PDE3B: variants seen among roughly 807,000 people sequenced by gnomAD.
PDE3B encodes the protein phosphodiesterase 3B.
Under a neutral mutation model 116.8 loss-of-function variants are expected in PDE3B, and 66 were observed. The observed-to-expected ratio is 0.56, with a 90% CI of 0.46 to 0.69. PDE3B has a LOEUF of 0.69. Among genes scored for constraint, PDE3B ranks in the 30% least tolerant of loss-of-function variants. The probability of loss-of-function intolerance (pLI) is 0.00; values close to 1 mark genes in which losing one functional copy is unlikely to be tolerated. For missense variants in PDE3B, 1,384 were observed against 1,368.1 expected (o/e 1.01, Z -0.18); for synonymous variants, 595 against 533.6 (o/e 1.12, Z -1.59).
chr11:14,775,257 C>T (rs958889958), intron 2 of PDE3B: 1 of 152,126 alleles, frequency 6.6e-6, no homozygotes, highest in African/African-American at 2.4e-5. Context: ...CTTATATAAT[C>T]TGTACTTCAA....
chr11:14,780,898 A>G (rs937456684), intron 2 of PDE3B, among the ~76,000 whole-genome samples: 1 of 152,238 alleles, frequency 6.6e-6, no homozygotes, highest in Non-Finnish European at 1.5e-5. Flanking sequence ...GAGAAGATCA[A>G]CAAAATTGAT....
chr11:14,808,680 C>G (rs1172038683), intron 5 of PDE3B, among the ~76,000 whole-genome samples: 1 of 147,596 alleles, frequency 6.8e-6, no homozygotes, highest in Non-Finnish European at 1.5e-5. Flanking sequence ...ATAAGTTTAT[C>G]AATGTGGCAG....
At chr11:14,858,792 T>C (rs1590199235) in intron 12 of PDE3B, among the ~76,000 whole-genome samples, 1 of 152,342 alleles carries the variant, frequency 6.6e-6, no homozygotes, top group East Asian at 1.9e-4. Flanking sequence ...AGATAAACTT[T>C]AAAGATATAT....
intron 11 of PDE3B, 60 bp downstream of exon 11, chr11:14,835,155 C>T: frequency 2.0e-6 from 2 of 1,005,948 alleles, no homozygotes; most frequent in Non-Finnish European, 3.0e-6. Flanking sequence ...CAAGCTTTCT[C>T]ATTTCATTAC....
chr11:14,895,977 G>A, the PDE3B span, among the ~76,000 whole-genome samples: 24 of 152,048 alleles, frequency 1.6e-4, no homozygotes, highest in Non-Finnish European at 3.1e-4. Context: ...GATGCAGAAG[G>A]GGAAAGGAAG....
At chr11:14,752,202 G>A (rs1486760419) in intron 1 of PDE3B, among the ~76,000 whole-genome samples, 4 of 152,134 alleles carry the variant, frequency 2.6e-5, no homozygotes, top group Non-Finnish European at 5.9e-5. Context: ...AGTATCCTGT[G>A]ACTATAATTC....
the PDE3B span, among the ~76,000 whole-genome samples, chr11:14,881,891 T>A: frequency 6.6e-6 from 1 of 152,090 alleles, no homozygotes; most frequent in Admixed American, 6.6e-5. Context: ...GCCTCGGGTA[T>A]TTCTTTATAG....
the PDE3B span, chr11:14,880,287 C>G: frequency 6.2e-7 from 1 of 1,613,180 alleles, no homozygotes; most frequent in Non-Finnish European, 8.5e-7. Context: ...CTTGATCCAT[C>G]TCATCTAAAT....
In PDE3B at chr11:14,645,031, T is replaced by C. The variant is rs754245611; in HGVS notation, c.956T>C (p.Leu319Ser). 4.5e-5 allele frequency: 72 copies of C among 1,610,556 alleles called. No homozygotes were observed. The highest frequency in any genetic ancestry group is 6.1e-5 in the Non-Finnish European group (72 of 1,178,354). ...GSCKIFRRPS[L>S]PCISREQMIL... ...TGCAAAATATTCAGGAGACCGTCGTTGCCTTGTATTTCCAGAGAACAGGTA... is the reference window on the plus strand; with the variant it reads ...TGCAAAATATTCAGGAGACCGTCGTCGCCTTGTATTTCCAGAGAACAGGTA... The change falls in exon 1 of 16, where the codon TTG (leucine) becomes TCG (serine). Residue 319 changes from leucine to serine, a missense_variant. Coordinates refer to ENST00000282096, the MANE Select transcript of PDE3B (RefSeq NM_000922.4).
intron 12 of PDE3B, among the ~76,000 whole-genome samples, chr11:14,846,122 C>G (rs998994769): frequency 6.6e-6 from 1 of 152,234 alleles, no homozygotes; most frequent in African/African-American, 2.4e-5. Flanking sequence ...GGAAGCCCAT[C>G]AGACTAACAG....
the PDE3B span, among the ~76,000 whole-genome samples, chr11:14,889,164 GTTTT>G: frequency 8.8e-3 from 1,227 of 140,212 alleles, 91 homozygotes; most frequent in East Asian, 0.17. Flanking sequence ...AAGTCCAGTT[GTTTT>G]TTTTTTTTTT....
intron 1 of PDE3B, among the ~76,000 whole-genome samples, chr11:14,715,118 A>G (rs1244413858): frequency 1.3e-5 from 2 of 152,202 alleles, no homozygotes; most frequent in Non-Finnish European, 2.9e-5. Context: ...TTATTAAAAT[A>G]ATGATAAAAG....
At chr11:14,825,943 A>G (rs560227333) in intron 7 of PDE3B, among the ~76,000 whole-genome samples, 9 of 152,236 alleles carry the variant, frequency 5.9e-5, no homozygotes, top group Non-Finnish European at 1.0e-4. Context: ...TGCAATAAAG[A>G]TAGAAATCAA....
At chr11:14,832,484 TA>T (rs2133963817) in intron 9 of PDE3B, among the ~76,000 whole-genome samples, 1 of 152,300 alleles carries the variant, frequency 6.6e-6, no homozygotes, top group South Asian at 2.1e-4. Flanking sequence ...ATGGAAAAAT[TA>T]AAAATTGGGA....
intron 4 of PDE3B, among the ~76,000 whole-genome samples, chr11:14,796,033 A>AC (rs1006901014): frequency 1.3e-5 from 2 of 150,840 alleles, no homozygotes; most frequent in Admixed American, 6.6e-5. Flanking sequence ...CTAGTCCCCC[A>AC]CCCCCCGACA....
chr11:14,735,369 G>A (rs184852556), intron 1 of PDE3B, among the ~76,000 whole-genome samples: 5 of 152,240 alleles, frequency 3.3e-5, no homozygotes, highest in African/African-American at 9.6e-5. Flanking sequence ...TTCATACTGA[G>A]GTTGTGAAGC....
At chr11:14,747,109 G>C (rs1437482493) in intron 1 of PDE3B, among the ~76,000 whole-genome samples, 1 of 152,142 alleles carries the variant, frequency 6.6e-6, no homozygotes. Flanking sequence ...GAGGTGCCAT[G>C]CTCTTTTAAA....
intron 13 of PDE3B, among the ~76,000 whole-genome samples, chr11:14,860,050 A>G (rs528682356): frequency 9.8e-5 from 15 of 152,324 alleles, no homozygotes; most frequent in Admixed American, 9.8e-4. Flanking sequence ...ACCTGCTGGA[A>G]GGAGACCCTT....
At chr11:14,683,021 T>A (rs746652570) in intron 1 of PDE3B, among the ~76,000 whole-genome samples, 1 of 151,704 alleles carries the variant, frequency 6.6e-6, no homozygotes, top group Non-Finnish European at 1.5e-5. Context: ...CACCACAACC[T>A]CCGCCTCCCA....
Sources: gnomAD v4.1 joint callset for allele counts (sites outside exome capture counted in the v4.1 genomes callset) on GRCh38, gnomAD v4.1.1 for gene constraint, MANE v1.5 for transcripts, NCBI Gene and HGNC (gene_info 2026-07-23, HGNC 2026-07-21) for gene names.